PPFIBP2: variants seen among roughly 807,000 people sequenced by gnomAD.
PPFIBP2 encodes the protein liprin-beta-2.
A neutral mutation model predicts 118.3 loss-of-function variants in PPFIBP2; 118 were observed. That is an observed-to-expected ratio of 1.00 (90% CI 0.86 to 1.16). The LOEUF is 1.16. PPFIBP2 is among the 50% of genes most tolerant of loss of function. The pLI is 0.00. For missense variants in PPFIBP2, 1,195 were observed against 1,073.1 expected (o/e 1.11, Z -1.59); for synonymous variants, 414 against 397.4 (o/e 1.04, Z -0.50).
Position 7,642,366 on chromosome 11 carries a change from G to A in PPFIBP2, c.1586G>A (p.Gly529Glu). The A allele has an allele frequency of 6.2e-7, 1 of 1,614,076 alleles. No homozygotes were observed. The highest frequency in any genetic ancestry group is 8.5e-7 in the Non-Finnish European group (1 of 1,179,998). ...TLGMAEFRRG[G>E]LRATAGPRLS... ...GGGATGGCAGAGTTTCGACGAGGTG[G>A]GCTCCGGGCAACCGCAGGGCCAAGA... Residue 529 changes from glycine (G) to glutamate (E), a missense_variant, in exon 17 of 24, where the codon GGG (glycine) becomes GAG (glutamate). Coordinates refer to ENST00000299492, the MANE Select transcript of PPFIBP2 (RefSeq NM_003621.5).
downstream of PPFIBP2, chr11:7,653,887 A>C: frequency 1.1e-6 from 1 of 921,932 alleles, no homozygotes; most frequent in Non-Finnish European, 1.4e-6. Flanking sequence ...GTGCATGCTC[A>C]GGATTCACCA....
chr11:7,517,029 C>A (rs1416549806), intron 1 of PPFIBP2, among the ~76,000 whole-genome samples: 1 of 152,098 alleles, frequency 6.6e-6, no homozygotes, highest in Admixed American at 6.5e-5. Flanking sequence ...TTAGGGTATT[C>A]TTGAGAGATG....
intron 1 of PPFIBP2, among the ~76,000 whole-genome samples, chr11:7,527,138 C>T (rs1401712378): frequency 6.6e-6 from 1 of 151,758 alleles, no homozygotes; most frequent in Non-Finnish European, 1.5e-5. Context: ...TGACTGTCTG[C>T]ACCTTGGGCC....
chr11:7,651,053 A>AC, intron 22 of PPFIBP2, 88 bp downstream of exon 22: 1 of 1,399,426 alleles, frequency 7.1e-7, no homozygotes, highest in Non-Finnish European at 9.7e-7. Context: ...ACAAAAGCTA[A>AC]CGAAAAAAAA....
downstream of PPFIBP2, among the ~76,000 whole-genome samples, chr11:7,659,929 T>C (rs2136090361): frequency 8.0e-6 from 1 of 124,458 alleles, no homozygotes; most frequent in Non-Finnish European, 1.9e-5. Flanking sequence ...GGGAATTCAC[T>C]CATGATTTGG....
chr11:7,548,129 G>C (rs1472011558), intron 1 of PPFIBP2, among the ~76,000 whole-genome samples: 2 of 152,198 alleles, frequency 1.3e-5, no homozygotes, highest in African/African-American at 4.8e-5. Flanking sequence ...CCATTTTACA[G>C]ATGAGGAAAC....
At chr11:7,635,407 A>G (rs1244017872) in intron 13 of PPFIBP2, 145 bp from the exon 14 acceptor site, 3 of 761,714 alleles carry the variant, frequency 3.9e-6, no homozygotes, top group Non-Finnish European at 6.7e-6. Flanking sequence ...CCTGCCCTGG[A>G]TGGTGATTAC....
chr11:7,635,702 G>A, intron 14 of PPFIBP2, 109 bp downstream of exon 14: 1 of 1,209,720 alleles, frequency 8.3e-7, no homozygotes, highest in Non-Finnish European at 1.2e-6. Flanking sequence ...ACTGTAAGGA[G>A]TAAGAGGGCA....
intron 2 of PPFIBP2, among the ~76,000 whole-genome samples, chr11:7,552,931 CTTTG>C (rs1159891491): frequency 1.3e-5 from 2 of 152,168 alleles, no homozygotes; most frequent in East Asian, 1.9e-4. Context: ...ATATTTGCCT[CTTTG>C]TTTATTGTCT....
At chr11:7,564,266 CT>C (rs1225999461) in intron 2 of PPFIBP2, among the ~76,000 whole-genome samples, 4 of 152,136 alleles carry the variant, frequency 2.6e-5, no homozygotes, top group African/African-American at 9.7e-5. Flanking sequence ...GAAGCACTCT[CT>C]CTCTAGATAC....
intron 3 of PPFIBP2, chr11:7,577,320 CGTGTGTGT>C (rs148907232): frequency 1.6e-4 from 35 of 219,712 alleles, no homozygotes; most frequent in African/African-American, 6.3e-4. Flanking sequence ...CATGTATGTG[CGTGTGTGT>C]GTGTGTGTGT....
At chr11:7,563,309 C>T (rs538755899) in intron 2 of PPFIBP2, among the ~76,000 whole-genome samples, 3 of 152,136 alleles carry the variant, frequency 2.0e-5, no homozygotes, top group South Asian at 2.1e-4. Flanking sequence ...TGCTTCTGTC[C>T]GTTTTCTTCC....
intron 4 of PPFIBP2, among the ~76,000 whole-genome samples, chr11:7,594,698 C>G (rs1039367762): frequency 2.7e-5 from 4 of 147,058 alleles, no homozygotes; most frequent in African/African-American, 1.0e-4. Flanking sequence ...AGGTGAATCA[C>G]CTGAGGTTAG....
intron 2 of PPFIBP2, among the ~76,000 whole-genome samples, chr11:7,550,560 C>T (rs1056427370): frequency 6.6e-6 from 1 of 152,178 alleles, no homozygotes; most frequent in African/African-American, 2.4e-5. Context: ...GTCTGCTTCT[C>T]AATTTCTCAG....
intron 3 of PPFIBP2, among the ~76,000 whole-genome samples, chr11:7,590,352 T>C (rs1291807110): frequency 6.6e-6 from 1 of 152,224 alleles, no homozygotes; most frequent in Admixed American, 6.5e-5. Context: ...TCACTGCTGT[T>C]TACCTTTAAA....
At chr11:7,583,138 C>A (rs1384905854) in intron 3 of PPFIBP2, among the ~76,000 whole-genome samples, 1 of 152,184 alleles carries the variant, frequency 6.6e-6, no homozygotes, top group Non-Finnish European at 1.5e-5. Context: ...AACTTTGTTC[C>A]TATAGTCATC....
intron 2 of PPFIBP2, among the ~76,000 whole-genome samples, chr11:7,564,030 G>A (rs1035418847): frequency 3.9e-5 from 6 of 152,112 alleles, no homozygotes; most frequent in African/African-American, 1.4e-4. Flanking sequence ...GCCAGGCGTG[G>A]TGGCGGGCAC....
intron 2 of PPFIBP2, among the ~76,000 whole-genome samples, chr11:7,550,124 A>G (rs562542586): frequency 3.5e-4 from 53 of 152,232 alleles, no homozygotes; most frequent in Non-Finnish European, 6.5e-4. Flanking sequence ...TGAAAGGACT[A>G]TCAATTAGCT....
intron 2 of PPFIBP2, among the ~76,000 whole-genome samples, chr11:7,551,122 C>T (rs1852936231): frequency 6.6e-6 from 1 of 152,056 alleles, no homozygotes; most frequent in African/African-American, 2.4e-5. Context: ...AGGTTAGGGT[C>T]TCTGATGCCT....
Sources: gnomAD v4.1 joint callset for allele counts (sites outside exome capture counted in the v4.1 genomes callset) on GRCh38, gnomAD v4.1.1 for gene constraint, MANE v1.5 for transcripts, NCBI Gene and HGNC (gene_info 2026-07-23, HGNC 2026-07-21) for gene names.